TRAP1: variants seen among roughly 807,000 people sequenced by gnomAD.
TRAP1 encodes the protein heat shock protein 75 kDa, mitochondrial.
Under a neutral mutation model 89.1 loss-of-function variants are expected in TRAP1, and 102 were observed. The observed-to-expected ratio is 1.15, with a 90% CI of 0.98 to 1.35. The LOEUF (loss-of-function observed/expected upper bound fraction) is 1.35, where lower values mean the gene tolerates loss of function less well. Ranked by LOEUF, TRAP1 falls within the 40% of genes most tolerant of loss-of-function variation. TRAP1 has a pLI of 0.00. For synonymous variants in TRAP1, 508 were observed against 388.0 expected, an observed-to-expected ratio of 1.31 and a Z score of -3.64; for missense variants, 1,256 against 945.3, an observed-to-expected ratio of 1.33 and a Z score of -4.31.
At chr16:3,663,024 A>C in intron 14 of TRAP1, 57 bp from the exon 15 acceptor site, 1 of 1,402,044 alleles carries the variant, frequency 7.1e-7, no homozygotes, top group Non-Finnish European at 9.7e-7. Flanking sequence ...CCCGGCTTCC[A>C]TGGGGGCCAC....
intron 1 of TRAP1, among the ~76,000 whole-genome samples, chr16:3,711,963 G>A (rs934816354): frequency 6.6e-6 from 1 of 152,154 alleles, no homozygotes; most frequent in African/African-American, 2.4e-5. Context: ...TACTTCATTT[G>A]AGTATGAATG....
At chr16:3,689,181 T>A in intron 2 of TRAP1, 44 bp from the exon 3 acceptor site, 2 of 1,546,926 alleles carry the variant, frequency 1.3e-6, no homozygotes, top group Non-Finnish European at 1.8e-6. Context: ...TTAACTTCTA[T>A]TTTTGTGCAA....
At chr16:3,710,872 TA>T (rs1331518492) in intron 1 of TRAP1, among the ~76,000 whole-genome samples, 4,350 of 114,460 alleles carry the variant, frequency 0.038, 105 homozygotes, top group African/African-American at 0.097. Flanking sequence ...TATATATATA[TA>T]TATATATTTT....
rs777754527 is a variant in TRAP1, at chr16:3,664,340, G to A, written c.1503C>T (p.Cys501=). The part of the protein sequence containing the change: ...RAGTRNIYYL[C]APNRHLAEHS... ...GCTCTGCCAGGTGACGGTTGGGGGCGCACAGGTAGTAGATGTTGCGGGTGC... is the reference window on the plus strand; with the variant it reads ...GCTCTGCCAGGTGACGGTTGGGGGCACACAGGTAGTAGATGTTGCGGGTGC... The change falls in exon 13 of 18, where the codon TGC becomes TGT. Residue 501 remains cysteine, a synonymous_variant. Transcript: ENST00000246957. 34 of 1,612,530 alleles carry A rather than the reference G, an allele frequency of 2.1e-5. No individual in the cohort carries two copies. The highest frequency in any genetic ancestry group is 1.5e-4 in the Admixed American group (9 of 59,692).
intron 4 of TRAP1, among the ~76,000 whole-genome samples, chr16:3,685,599 T>G (rs919292523): frequency 6.6e-5 from 10 of 152,268 alleles, no homozygotes; most frequent in Admixed American, 3.3e-4. Context: ...GCCTTAAAAT[T>G]TCCACAAGGC....
rs1262005500 is a variant in TRAP1, at chr16:3,693,403, ATCCCGGGAC to A, written c.89-2427_89-2419del. 2.9e-4 allele frequency among the ~76,000 whole-genome samples: 18 copies of A among 62,668 alleles called. No homozygotes were observed. The South Asian group carries it at 6.5e-3, about 23-fold the overall frequency. The allele number at this position is 62,668 out of a possible 152,430, so 41.1% of individuals were successfully genotyped here. A position where few individuals can be genotyped will look rare whatever the true frequency, so the allele number is the denominator to read the frequency against. On this transcript the variant is annotated intron_variant, in intron 1 of 17. Coordinates refer to ENST00000246957, the MANE Select transcript of TRAP1 (RefSeq NM_016292.3). Reference sequence around the variant, plus strand: ...TCGTACAGTTAAAAAAAAAAAAAAAATCCCGGGACATTTCTTCTGGAATTAAATGGTATT... The same window carrying A: ...TCGTACAGTTAAAAAAAAAAAAAAAAATTTCTTCTGGAATTAAATGGTATT...
intron 1 of TRAP1, among the ~76,000 whole-genome samples, chr16:3,709,227 C>CAAAAA (rs58859365): frequency 6.0e-4 from 49 of 82,280 alleles, no homozygotes; most frequent in African/African-American, 9.8e-4. Context: ...AACTCCATCT[C>CAAAAA]AAAAAAAAAA....
chr16:3,716,821 C>G (rs1366964977), intron 1 of TRAP1, among the ~76,000 whole-genome samples: 1 of 152,230 alleles, frequency 6.6e-6, no homozygotes, highest in Non-Finnish European at 1.5e-5. Context: ...GAGGACACAG[C>G]TGCGTCAACG....
chr16:3,663,417 T>C lies in TRAP1; in HGVS notation c.1708+7A>G. On this transcript the variant is annotated splice_region_variant and intron_variant, in intron 14 of 17. Coordinates refer to ENST00000246957, the MANE Select transcript of TRAP1 (RefSeq NM_016292.3). ...AGCCCCACGCCTAGAGAGCAGGGGA[T>C]GCCGACCTGGGGACCTGTCCTCAAA... The C allele has an allele frequency of 6.2e-7, 1 of 1,614,034 alleles. No homozygotes were observed. The highest frequency in any genetic ancestry group is 8.5e-7 in the Non-Finnish European group (1 of 1,179,972).
chr16:3,680,188 T>C (rs909925161), intron 4 of TRAP1: 2 of 176,680 alleles, frequency 1.1e-5, no homozygotes, highest in African/African-American at 2.3e-5. Context: ...TGAACTGAGA[T>C]TGCGCCACTG....
chr16:3,686,830 G>T (rs2051144806), intron 3 of TRAP1, among the ~76,000 whole-genome samples: 1 of 152,080 alleles, frequency 6.6e-6, no homozygotes, highest in African/African-American at 2.4e-5. Context: ...AATTAGCTGG[G>T]CGTGATGGAA....
chr16:3,669,424 T>C (rs1001916970), intron 11 of TRAP1, among the ~76,000 whole-genome samples: 1 of 152,194 alleles, frequency 6.6e-6, no homozygotes, highest in African/African-American at 2.4e-5. Flanking sequence ...CCCCTTTTCA[T>C]TGATTATATA....
chr16:3,683,999 C>T (rs1025857231), intron 4 of TRAP1, among the ~76,000 whole-genome samples: 6 of 151,930 alleles, frequency 3.9e-5, no homozygotes, highest in African/African-American at 1.5e-4. Context: ...AACCCCATCT[C>T]TACTAAAAAT....
intron 1 of TRAP1, among the ~76,000 whole-genome samples, chr16:3,696,948 A>G (rs1372121817): frequency 6.6e-6 from 1 of 152,148 alleles, no homozygotes; most frequent in African/African-American, 2.4e-5. Context: ...GCTGGTCTCA[A>G]ACTCCTGAGC....
intron 11 of TRAP1, among the ~76,000 whole-genome samples, chr16:3,668,142 G>A (rs992664027): frequency 3.9e-5 from 6 of 152,026 alleles, no homozygotes; most frequent in Middle Eastern, 3.4e-3. Context: ...TTGGCAGGCT[G>A]GTAACTCCTG....
At chr16:3,690,662 G>T (rs761110984) in intron 2 of TRAP1, among the ~76,000 whole-genome samples, 165 bp downstream of exon 2, 1 of 152,170 alleles carries the variant, frequency 6.6e-6, no homozygotes, top group Non-Finnish European at 1.5e-5. Flanking sequence ...GAAGTCCCTC[G>T]CTGGGACAGA....
At chr16:3,688,999 C>T (rs1442204581) in intron 3 of TRAP1, 56 bp downstream of exon 3, 12 of 1,518,778 alleles carry the variant, frequency 7.9e-6, no homozygotes, top group Non-Finnish European at 1.1e-5. Context: ...GGCATAAAAA[C>T]CAGCTTTGTG....
chr16:3,675,330 G>T lies in TRAP1; in HGVS notation c.882C>A (p.Thr294=), dbSNP rs772961081. Residue 294 remains threonine, a synonymous_variant, in exon 8 of 18, where the codon ACC becomes ACA. Coordinates refer to ENST00000246957, the MANE Select transcript of TRAP1 (RefSeq NM_016292.3). ...AGAGGAACTCAGGGCTCACCTGCAAGGTGTTCATCCGCCTTCCATTCAAGT... is the reference window on the plus strand; with the variant it reads ...AGAGGAACTCAGGGCTCACCTGCAATGTGTTCATCCGCCTTCCATTCAAGT... ...PLYLNGRRMN[T]LQAIWMMDPK... 2 of 1,613,924 alleles carry T rather than the reference G, an allele frequency of 1.2e-6. No homozygotes were observed. The highest frequency in any genetic ancestry group is 2.2e-5 in the South Asian group (2 of 91,072).
rs755489534 is a variant in TRAP1, at chr16:3,685,987, G to C, written c.471+9C>G. On this transcript the variant is annotated intron_variant, in intron 4 of 17. Coordinates refer to ENST00000246957, the MANE Select transcript of TRAP1 (RefSeq NM_016292.3). ...GGCCTGCCACACGCCTGGACACTGA[G>C]GGAGGTACCTGGATGGTGATGGTGC... 1 of 1,613,464 alleles carries C rather than the reference G, an allele frequency of 6.2e-7. No individual in the cohort carries two copies. Among genetic ancestry groups the C allele is most frequent in the Admixed American group, 1.7e-5 (1 of 59,992 alleles).
Sources: gnomAD v4.1 joint callset for allele counts (sites outside exome capture counted in the v4.1 genomes callset) on GRCh38, gnomAD v4.1.1 for gene constraint, MANE v1.5 for transcripts, NCBI Gene and HGNC (gene_info 2026-07-23, HGNC 2026-07-21) for gene names.